SLC25A44: variants seen among roughly 807,000 people sequenced by gnomAD.
SLC25A44 encodes solute carrier family 25 member 44.
In SLC25A44, 17 loss-of-function variants were observed where a neutral mutation model predicts 29.9. The ratio of observed to expected loss-of-function variants is 0.57; its 90% CI spans 0.39 to 0.85. SLC25A44 has a LOEUF of 0.85. Ranked by LOEUF, SLC25A44 falls within the 40% of genes least tolerant of loss-of-function variation. SLC25A44 has a pLI of 0.00. For missense variants in SLC25A44, 302 were observed against 398.4 expected (o/e 0.76, Z 2.06); for synonymous variants, 140 against 151.8 (o/e 0.92, Z 0.57).
At chr1:156,201,815 A>G (rs1656602392) in intron 2 of SLC25A44, among the ~76,000 whole-genome samples, 1 of 152,148 alleles carries the variant, frequency 6.6e-6, no homozygotes, top group Non-Finnish European at 1.5e-5. Context: ...CTTCCCAGGA[A>G]ATGTGAGCAT....
In SLC25A44 at chr1:156,199,953, T is replaced by C. The variant is rs374432697; in HGVS notation, c.106T>C (p.Tyr36His). Reference sequence around the variant, plus strand: ...GACAATGATGATCCGTGTCAGTGTCTACCCATTCACCCTCATCCGCACCCG... The same window carrying C: ...GACAATGATGATCCGTGTCAGTGTCCACCCATTCACCCTCATCCGCACCCG... ...AMTMMIRVSVYPFTLIRTRLQ... is the reference protein window; with the variant it reads ...AMTMMIRVSVHPFTLIRTRLQ... The change falls in exon 2 of 4, where the codon TAC (tyrosine) becomes CAC (histidine). Residue 36 changes from tyrosine (Y) to histidine (H), a missense_variant. Physicochemically the swap from Tyr to His is moderately conservative, Grantham distance 83. Transcript: ENST00000359511. 1.9e-6 allele frequency: 3 copies of C among 1,614,094 alleles called. No homozygotes were observed. The highest frequency in any genetic ancestry group is 2.7e-5 in the African/African-American group (2 of 74,934).
At chr1:156,208,095 C>CACAAAGAGGTCAGGGCAA in intron 3 of SLC25A44, 82 bp downstream of exon 3, 1 of 1,254,118 alleles carries the variant, frequency 8.0e-7, no homozygotes, top group Non-Finnish European at 1.2e-6. Context: ...GTTGCCCTGA[C>CACAAAGAGGTCAGGGCAA]CTCTTTGTGT....
Position 156,200,365 on chromosome 1 carries a change from T to C in SLC25A44, c.518T>C (p.Ile173Thr). ...CAAACCAAGGACATCATCAGGCAGA[T>C]CCTGCAGGCTGATGGACTTCGCGGC... Reference protein sequence around the residue: ...FGQTKDIIRQILQADGLRGFY... With the variant: ...FGQTKDIIRQTLQADGLRGFY... The change falls in exon 2 of 4, where the codon ATC becomes ACC. Residue 173 changes from isoleucine to threonine, a missense_variant. Transcript: ENST00000359511. 6.2e-7 allele frequency: 1 copy of C among 1,614,118 alleles called. No individual in the cohort carries two copies.
intron 3 of SLC25A44, 102 bp from the exon 4 acceptor site, chr1:156,210,138 C>T (rs938990533): frequency 2.0e-5 from 16 of 782,140 alleles, no homozygotes; most frequent in Middle Eastern, 3.4e-4. Flanking sequence ...CACCTTCCGA[C>T]GTCGGAGTCT....
rs764019431 is a variant in SLC25A44 at position 156,200,022 on chromosome 1, G to A, written c.175G>A (p.Asp59Asn). ...GAAGAGCCTCTACCATGGGACCTTCGATGCCTTCATCAAGATCCTGCGAGC... is the reference window on the plus strand; with the variant it reads ...GAAGAGCCTCTACCATGGGACCTTCAATGCCTTCATCAAGATCCTGCGAGC... The part of the protein sequence containing the change: ...KGKSLYHGTF[D>N]AFIKILRADG... Residue 59 changes from aspartate to asparagine, a missense_variant, in exon 2 of 4, where the codon GAT (aspartate) becomes AAT (asparagine). Transcript: ENST00000359511. 18 of 1,613,992 alleles carry A rather than the reference G, an allele frequency of 1.1e-5. No homozygotes were observed. Among genetic ancestry groups the A allele is most frequent in the African/African-American group, 6.7e-5 (5 of 74,906 alleles).
Position 156,200,461 on chromosome 1 carries a change from A to G in SLC25A44, c.614A>G (p.His205Arg). 1 of 1,605,686 alleles carries G rather than the reference A, an allele frequency of 6.2e-7. No homozygotes were observed. Residue 205 changes from histidine (H) to arginine (R), a missense_variant, in exon 2 of 4, where the codon CAC (histidine) becomes CGC (arginine). Transcript: ENST00000359511. ...PNSAVWWPFY[H>R]FYAEQLSYLC... ...AGTGCTGTCTGGTGGCCCTTCTATC[A>G]CTTCTATGCAGGTAAGCAGGGGCCA... is the stretch of plus-strand genomic sequence containing the variant.
intron 2 of SLC25A44, among the ~76,000 whole-genome samples, chr1:156,205,476 G>A (rs964298259): frequency 1.3e-5 from 2 of 152,038 alleles, no homozygotes; most frequent in African/African-American, 2.4e-5. Context: ...GCTGCCCCTC[G>A]AACACTTGCT....
chr1:156,206,481 G>C (rs1319942212), intron 2 of SLC25A44, among the ~76,000 whole-genome samples: 1 of 151,910 alleles, frequency 6.6e-6, no homozygotes, highest in Non-Finnish European at 1.5e-5. Context: ...CAGGTGATCT[G>C]CCCACCTCTG....
chr1:156,209,696 G>T (rs1449127738), intron 3 of SLC25A44, among the ~76,000 whole-genome samples: 3 of 152,002 alleles, frequency 2.0e-5, no homozygotes, highest in Admixed American at 6.5e-5. Context: ...GGAGAGGAAG[G>T]TTCCAGCTCT....
At chr1:156,204,987 C>T (rs527514854) in intron 2 of SLC25A44, among the ~76,000 whole-genome samples, 1 of 152,180 alleles carries the variant, frequency 6.6e-6, no homozygotes, top group South Asian at 2.1e-4. Context: ...CCCTGCCAGC[C>T]TCCACCTCCC....
At chr1:156,206,154 G>A (rs142582994) in intron 2 of SLC25A44, among the ~76,000 whole-genome samples, 1 of 151,982 alleles carries the variant, frequency 6.6e-6, no homozygotes, top group East Asian at 1.9e-4. Context: ...GAAAGGGTAT[G>A]TAGTATGCAA....
Position 156,198,772 on chromosome 1 carries a change from C to T in SLC25A44, c.-13-1063C>T, listed in dbSNP as rs1206128673. On this transcript the variant is annotated intron_variant, in intron 1 of 3. Coordinates refer to ENST00000359511, the MANE Select transcript of SLC25A44 (RefSeq NM_014655.4). This position sits in a 1 kb window ranked among gnomAD's most constrained non-coding sequence, Gnocchi z 4.1. The stretch of plus-strand genomic sequence containing the variant: ...AGCCTTTTCCTCTGTATCTTGTATC[C>T]ATTCCCCAGAGCGATACTGTGTATC... 4.6e-5 allele frequency: 7 copies of T among 152,238 alleles called. No homozygotes were observed. The highest frequency in any genetic ancestry group is 6.5e-5 in the Admixed American group (1 of 15,280). 9.4% of individuals were successfully genotyped at this position (152,238 alleles called of 1,614,324 possible).
chr1:156,211,452 G>A lies in SLC25A44; in HGVS notation c.*1021G>A, dbSNP rs539823932. 1 of 152,486 alleles carries A rather than the reference G, an allele frequency of 6.6e-6. No individual in the cohort carries two copies. The highest frequency in any genetic ancestry group is 1.5e-5 in the Non-Finnish European group (1 of 68,066). The allele number at this position is 152,486 out of a possible 1,614,324, so 9.4% of individuals were successfully genotyped here. A position where few individuals can be genotyped will look rare whatever the true frequency, so the allele number is the denominator to read the frequency against. Reference sequence around the variant, plus strand: ...CCAGCAGAGCCAAACCTAGGAGAGGGCAGTGGGTAGATTCTCTGCCCCAGG... The same window carrying A: ...CCAGCAGAGCCAAACCTAGGAGAGGACAGTGGGTAGATTCTCTGCCCCAGG... On this transcript the variant is annotated 3_prime_UTR_variant, in exon 4 of 4. Coordinates refer to ENST00000359511, the MANE Select transcript of SLC25A44 (RefSeq NM_014655.4).
intron 1 of SLC25A44, chr1:156,199,583 G>A (rs1572451244): frequency 2.0e-6 from 1 of 497,004 alleles, no homozygotes; most frequent in East Asian, 3.5e-5. Flanking sequence ...ATTGAAGTGA[G>A]GGACAATTTC....
In SLC25A44 at chr1:156,199,977, C is replaced by T. The variant is rs1028796587; in HGVS notation, c.130C>T (p.Arg44Trp). ...SVYPFTLIRT[R>W]LQVQKGKSLY... ...CTACCCATTCACCCTCATCCGCACC[C>T]GGTTGCAAGTTCAGAAGGGGAAGAG... Residue 44 changes from arginine to tryptophan, a missense_variant, in exon 2 of 4, where the codon CGG (arginine) becomes TGG (tryptophan). Coordinates refer to ENST00000359511, the MANE Select transcript of SLC25A44 (RefSeq NM_014655.4). 7 of 1,614,062 alleles carry T rather than the reference C, an allele frequency of 4.3e-6. No individual in the cohort carries two copies. The highest frequency in any genetic ancestry group is 1.7e-5 in the Admixed American group (1 of 60,008).
chr1:156,199,559 G>A, intron 1 of SLC25A44: 1 of 448,600 alleles, frequency 2.2e-6, no homozygotes, highest in Non-Finnish European at 4.0e-6. Flanking sequence ...GGAGGCCATG[G>A]AGCCAGGGGA....
chr1:156,209,851 A>C (rs1657178027), intron 3 of SLC25A44, among the ~76,000 whole-genome samples: 1 of 152,144 alleles, frequency 6.6e-6, no homozygotes, highest in South Asian at 2.1e-4. Flanking sequence ...TTATCTCATG[A>C]TATCAATGAT....
Position 156,210,884 on chromosome 1 carries a change from T to C in SLC25A44, c.*453T>C, listed in dbSNP as rs1657256881. The C allele has an allele frequency of 6.6e-6, 1 of 152,278 alleles. No individual in the cohort carries two copies. The highest frequency in any genetic ancestry group is 1.5e-5 in the Non-Finnish European group (1 of 68,088). 9.4% of individuals were successfully genotyped at this position (152,278 alleles called of 1,614,324 possible). On this transcript the variant is annotated 3_prime_UTR_variant, in exon 4 of 4. Coordinates refer to ENST00000359511, the MANE Select transcript of SLC25A44 (RefSeq NM_014655.4). ...TCTCTTAGCCTTGCTTATTTTTATT[T>C]TGGGACCGAGCTGCCCACTAGATGA...
intron 2 of SLC25A44, among the ~76,000 whole-genome samples, chr1:156,206,456 T>C (rs1282872462): frequency 6.6e-6 from 1 of 152,138 alleles, no homozygotes; most frequent in Non-Finnish European, 1.5e-5. Flanking sequence ...CAGGCTAGTC[T>C]CAAATTCCTG....
Sources: gnomAD v4.1 joint callset for allele counts (sites outside exome capture counted in the v4.1 genomes callset) on GRCh38, gnomAD v4.1.1 for gene constraint, Gnocchi (gnomAD v3.1) non-coding constraint, MANE v1.5 for transcripts, NCBI Gene and HGNC (gene_info 2026-07-23, HGNC 2026-07-21) for gene names.